Variants in ZNF697 observed in about 807,000 individuals in gnomAD.
The protein encoded by ZNF697 is zinc finger protein 697.
ZNF697 carries 23 observed loss-of-function variants against 32.4 expected under a neutral mutation model. The ratio of observed to expected loss-of-function variants is 0.71; its 90% CI spans 0.51 to 1.01. The LOEUF (loss-of-function observed/expected upper bound fraction) is 1.01. Among genes scored for constraint, ZNF697 ranks in the 50% least tolerant of loss-of-function variants. The pLI, the probability that ZNF697 is intolerant of heterozygous loss-of-function variation, is 0.00. For missense variants in ZNF697, 930 were observed against 794.0 expected, an observed-to-expected ratio of 1.17 and a Z score of -2.06; for synonymous variants, 418 against 337.2, an observed-to-expected ratio of 1.24 and a Z score of -2.62.
chr1:119,623,749 G>C lies in ZNF697; in HGVS notation c.594C>G (p.Phe198Leu). 6.5e-7 allele frequency: 1 copy of C among 1,540,842 alleles called. No homozygotes were observed. Among genetic ancestry groups the C allele is most frequent in the South Asian group, 1.2e-5 (1 of 83,944 alleles). Residue 198 changes from phenylalanine to leucine, a missense_variant, in exon 3 of 3, where the codon TTC (phenylalanine) becomes TTG (leucine). Transcript: ENST00000421812. ...GCTGCAGGAAGGCGGCGCCAGGACT[G>C]AAGCTCTCCCCGCAGTCGGGGCAGA... is the stretch of plus-strand genomic sequence containing the variant. ...PTICPDCGES[F>L]SPGAAFLQHQ...
chr1:119,624,255 GTT>G (rs1279780340), intron 2 of ZNF697, 139 bp from the exon 3 acceptor site: 59 of 1,088,150 alleles, frequency 5.4e-5, no homozygotes, highest in Non-Finnish European at 1.0e-5. Context: ...CCCCCTGAGA[GTT>G]TAGCCTCTCT....
At chr1:119,642,757 A>C (rs1467569512) in intron 1 of ZNF697, among the ~76,000 whole-genome samples, 2 of 152,238 alleles carry the variant, frequency 1.3e-5, no homozygotes, top group Admixed American at 1.3e-4. Context: ...TCTGTTGTAA[A>C]GATTACATTC....
intron 1 of ZNF697, among the ~76,000 whole-genome samples, chr1:119,646,151 A>G (rs1428109935): frequency 6.6e-6 from 1 of 151,776 alleles, no homozygotes; most frequent in Non-Finnish European, 1.5e-5. Context: ...GCATCCATTT[A>G]CCCCTCTATC....
At chr1:119,627,335 G>A (rs190427401) in intron 1 of ZNF697, among the ~76,000 whole-genome samples, 12 of 152,272 alleles carry the variant, frequency 7.9e-5, no homozygotes, top group South Asian at 6.2e-4. Flanking sequence ...TCCAGGCAGC[G>A]CAAGTTGGAA....
At chr1:119,638,104 T>C (rs1178244515) in intron 1 of ZNF697, among the ~76,000 whole-genome samples, 2 of 152,252 alleles carry the variant, frequency 1.3e-5, no homozygotes, top group African/African-American at 2.4e-5. Context: ...AAGGGGAGAC[T>C]GCCTCATTCT....
At chr1:119,631,284 CT>C (rs1291091132) in intron 1 of ZNF697, among the ~76,000 whole-genome samples, 2 of 152,268 alleles carry the variant, frequency 1.3e-5, no homozygotes, top group Admixed American at 1.3e-4. Flanking sequence ...TGGAGCGGAC[CT>C]AAGCACCTTC....
intron 1 of ZNF697, among the ~76,000 whole-genome samples, chr1:119,647,139 A>G (rs1313432806): frequency 6.6e-6 from 1 of 152,126 alleles, no homozygotes; most frequent in Non-Finnish European, 1.5e-5. Flanking sequence ...GGAAAGTCCC[A>G]GAGGAAGTGG....
chr1:119,622,846 G>T lies in ZNF697; in HGVS notation c.1497C>A (p.Gly499=). The T allele has an allele frequency of 6.2e-7, 1 of 1,607,878 alleles. No individual in the cohort carries two copies. The highest frequency in any genetic ancestry group is 8.5e-7 in the Non-Finnish European group (1 of 1,176,896). ...GGTGGGAGCTCTGGATAAAGCTCTT[G>T]CCGCACTCGATGCACGTGTAGGGCT... is the stretch of plus-strand genomic sequence containing the variant. The part of the protein sequence containing the change: ...GEKPYTCIEC[G]KSFIQSSHLI... The change falls in exon 3 of 3, where the codon GGC becomes GGA. Residue 499 remains glycine, a synonymous_variant. Coordinates refer to ENST00000421812, the MANE Select transcript of ZNF697 (RefSeq NM_001080470.2).
chr1:119,637,146 A>G (rs1648944859), intron 1 of ZNF697, among the ~76,000 whole-genome samples: 1 of 152,248 alleles, frequency 6.6e-6, no homozygotes, highest in Non-Finnish European at 1.5e-5. Flanking sequence ...CAAATCTTCA[A>G]AGTGTTAGCA....
Position 119,622,690 on chromosome 1 carries a change from C to T in ZNF697, c.*15G>A. ...CACAGGCTCCCCAGACGGCAGCCTC[C>T]CGCGGACCCAGCCCCTAACACAGGT... is the stretch of plus-strand genomic sequence containing the variant. On this transcript the variant is annotated 3_prime_UTR_variant, in exon 3 of 3. Coordinates refer to ENST00000421812, the MANE Select transcript of ZNF697 (RefSeq NM_001080470.2). 2 of 1,497,568 alleles carry T rather than the reference C, an allele frequency of 1.3e-6. No homozygotes were observed. The highest frequency in any genetic ancestry group is 2.7e-5 in the South Asian group (2 of 75,404). 92.8% of individuals were successfully genotyped at this position (1,497,568 alleles called of 1,614,324 possible).
At position 119,623,161 on chromosome 1, in the gene ZNF697, C is replaced by T. The variant is rs767561902; in HGVS notation, c.1182G>A (p.Ser394=). ...GECGKRFSWR[S]DLVKHQRVHT... ...GCACGCGCTGGTGCTTCACCAAGTC[C>T]GAGCGCCAGCTGAAGCGCTTGCCGC... The change falls in exon 3 of 3, where the codon TCG becomes TCA. Residue 394 remains serine, a synonymous_variant. Transcript: ENST00000421812. The T allele has an allele frequency of 6.0e-5, 95 of 1,573,436 alleles. No homozygotes were observed. The highest frequency in any genetic ancestry group is 7.9e-5 in the Non-Finnish European group (92 of 1,162,658).
chr1:119,634,653 C>T (rs1047224818), intron 1 of ZNF697, among the ~76,000 whole-genome samples: 1 of 152,116 alleles, frequency 6.6e-6, no homozygotes, highest in Non-Finnish European at 1.5e-5. Context: ...AAGAATGTAA[C>T]ACACATGATC....
intron 1 of ZNF697, among the ~76,000 whole-genome samples, chr1:119,646,322 AACACACACACACACACAC>A (rs61339576): frequency 1.5e-5 from 2 of 136,830 alleles, no homozygotes; most frequent in African/African-American, 2.8e-5. Flanking sequence ...CCCCACTTCC[AACACACACACACACACAC>A]ACACACACAC....
At chr1:119,639,428 C>T (rs1649005869) in intron 1 of ZNF697, among the ~76,000 whole-genome samples, 1 of 152,134 alleles carries the variant, frequency 6.6e-6, no homozygotes, top group African/African-American at 2.4e-5. Context: ...GGCTCTCTTA[C>T]CTCATCTTAA....
Position 119,622,707 on chromosome 1 carries a change from AAC to A in ZNF697, c.1634_1635del (p.Cys545LeufsTer55). 1 of 1,526,140 alleles carries A rather than the reference AAC, an allele frequency of 6.6e-7. No individual in the cohort carries two copies. The highest frequency in any genetic ancestry group is 8.8e-7 in the Non-Finnish European group (1 of 1,133,602). The allele number at this position is 1,526,140 out of a possible 1,614,324, so 94.5% of individuals were successfully genotyped here. A position where few individuals can be genotyped will look rare whatever the true frequency, so the allele number is the denominator to read the frequency against. On this transcript the variant is annotated frameshift_variant, in exon 3 of 3. Coordinates refer to ENST00000421812, the MANE Select transcript of ZNF697 (RefSeq NM_001080470.2). LOFTEE classifies it high-confidence loss of function. Reference sequence around the variant, plus strand: ...GCAGCCTCCCGCGGACCCAGCCCCTAACACAGGTGCAGCTTCTGGTGCTGCGC... The same window carrying A: ...GCAGCCTCCCGCGGACCCAGCCCCTAACAGGTGCAGCTTCTGGTGCTGCGC... ...HLAQHQKLHL[C>X] is the part of the protein sequence containing the mutation.
intron 1 of ZNF697, among the ~76,000 whole-genome samples, chr1:119,644,251 AAAG>A (rs1291629372): frequency 6.6e-6 from 1 of 152,234 alleles, no homozygotes; most frequent in Non-Finnish European, 1.5e-5. Flanking sequence ...CTGGGAGAAA[AAAG>A]AAAAGAATTC....
chr1:119,622,653 A>AT lies in ZNF697; in HGVS notation c.*51dup. The AT allele has an allele frequency of 6.8e-7, 1 of 1,460,184 alleles. No homozygotes were observed. Among genetic ancestry groups the AT allele is most frequent in the Non-Finnish European group, 9.0e-7 (1 of 1,107,794 alleles). The allele number at this position is 1,460,184 out of a possible 1,614,324, so 90.5% of individuals were successfully genotyped here. A position where few individuals can be genotyped will look rare whatever the true frequency, so the allele number is the denominator to read the frequency against. On this transcript the variant is annotated 3_prime_UTR_variant, in exon 3 of 3. Transcript: ENST00000421812. The stretch of plus-strand genomic sequence containing the variant: ...TTCCTTCCCCTGGGTCAGTCCCAGG[A>AT]TATCTACCCCCCACAGGCTCCCCAG...
chr1:119,644,851 A>G (rs947586391), intron 1 of ZNF697, among the ~76,000 whole-genome samples: 4 of 152,228 alleles, frequency 2.6e-5, no homozygotes, highest in African/African-American at 9.6e-5. Flanking sequence ...TTCTATTTCT[A>G]TATGCTACAT....
At chr1:119,636,569 T>C (rs1034560788) in intron 1 of ZNF697, among the ~76,000 whole-genome samples, 2 of 151,978 alleles carry the variant, frequency 1.3e-5, no homozygotes, top group African/African-American at 2.4e-5. Context: ...TATCAGTAAA[T>C]TTCAAACACA....
Sources: gnomAD v4.1 joint callset for allele counts (sites outside exome capture counted in the v4.1 genomes callset) on GRCh38, gnomAD v4.1.1 for gene constraint, MANE v1.5 for transcripts, NCBI Gene and HGNC (gene_info 2026-07-23, HGNC 2026-07-21) for gene names.